MACROD1: variants seen among roughly 807,000 people sequenced by gnomAD.
The protein encoded by MACROD1 is mono-ADP ribosylhydrolase 1.
A neutral mutation model predicts 41.4 loss-of-function variants in MACROD1; 31 were observed. That is an observed-to-expected ratio of 0.75 (90% CI 0.56 to 1.01). The LOEUF is 1.01. MACROD1 is among the 50% of genes least tolerant of loss of function. The pLI is 0.00. For missense variants in MACROD1, 473 were observed against 460.0 expected, an observed-to-expected ratio of 1.03 and a Z score of -0.26; for synonymous variants, 252 against 203.4, an observed-to-expected ratio of 1.24 and a Z score of -2.03.
chr11:63,998,692 G>A lies in MACROD1; in HGVS notation c.*31-5C>T, dbSNP rs915091604. 6.6e-6 allele frequency: 9 copies of A among 1,369,242 alleles called. No individual in the cohort carries two copies. Among genetic ancestry groups the A allele is most frequent in the Admixed American group, 6.6e-5 (2 of 30,496 alleles). 84.8% of individuals were successfully genotyped at this position (1,369,242 alleles called of 1,614,324 possible). A position where few individuals can be genotyped will look rare whatever the true frequency, so the allele number is the denominator to read the frequency against. On this transcript the variant is annotated splice_region_variant and splice_polypyrimidine_tract_variant and intron_variant, in intron 10 of 10. Coordinates refer to ENST00000255681, the MANE Select transcript of MACROD1 (RefSeq NM_014067.4). ...AGCGGGGTCCCGAAGGCGGGTCTGA[G>A]GGCAGAGCAGAGTCAGAGGTGTCTA...
chr11:64,063,138 G>A (rs1943936005), intron 3 of MACROD1, among the ~76,000 whole-genome samples: 1 of 152,170 alleles, frequency 6.6e-6, no homozygotes. Flanking sequence ...GCCACCCTAT[G>A]GTGATCAAAG....
chr11:64,063,549 A>C (rs771785561), intron 3 of MACROD1, among the ~76,000 whole-genome samples: 12 of 152,212 alleles, frequency 7.9e-5, no homozygotes, highest in Non-Finnish European at 1.3e-4. Flanking sequence ...GTTACTGCCC[A>C]GCAGCCAGCA....
chr11:64,078,642 T>C (rs1183139515), intron 3 of MACROD1, among the ~76,000 whole-genome samples: 3 of 152,200 alleles, frequency 2.0e-5, no homozygotes, highest in African/African-American at 4.8e-5. Context: ...TCATGGCTCC[T>C]GCATCCTTGT....
At chr11:64,134,072 G>A (rs976719976) in intron 3 of MACROD1, among the ~76,000 whole-genome samples, 3 of 152,246 alleles carry the variant, frequency 2.0e-5, no homozygotes, top group Admixed American at 6.5e-5. Flanking sequence ...GATAGGGTAG[G>A]AGAGGGAATG....
intron 3 of MACROD1, among the ~76,000 whole-genome samples, chr11:64,065,785 G>A (rs1349340828): frequency 2.0e-5 from 2 of 99,132 alleles, no homozygotes; most frequent in African/African-American, 5.8e-5. Flanking sequence ...GCACGACTCC[G>A]CCTCAAAAAA....
intron 3 of MACROD1, among the ~76,000 whole-genome samples, chr11:64,058,406 G>C (rs1565213234): frequency 6.6e-6 from 1 of 152,258 alleles, no homozygotes; most frequent in South Asian, 2.1e-4. Flanking sequence ...GAGGGCTTGG[G>C]GGGGGGTCCT....
rs1590966676 is a variant in MACROD1, at chr11:64,146,347, C to T, written c.517+4892G>A. Among the ~76,000 whole-genome samples, 1 of 152,166 alleles carries T rather than the reference C, an allele frequency of 6.6e-6. No homozygotes were observed. The highest frequency in any genetic ancestry group is 2.1e-4 in the South Asian group (1 of 4,824). On this transcript the variant is annotated intron_variant, in intron 3 of 10. Coordinates refer to ENST00000255681, the MANE Select transcript of MACROD1 (RefSeq NM_014067.4). This position sits in a 1 kb window ranked among gnomAD's most constrained non-coding sequence, Gnocchi z 4.7. ...GAGAGGCAGGCACCGGCTCTGAGAA[C>T]CTCCTCCTCCAGAAGAGGGGGCCTG...
chr11:64,163,782 G>A (rs149184841), intron 1 of MACROD1, among the ~76,000 whole-genome samples: 5 of 152,292 alleles, frequency 3.3e-5, no homozygotes, highest in East Asian at 3.9e-4. Flanking sequence ...GCTGTTTTAC[G>A]CCACTAAGGT....
intron 3 of MACROD1, among the ~76,000 whole-genome samples, chr11:64,091,726 A>G (rs1415358129): frequency 6.6e-6 from 1 of 152,192 alleles, no homozygotes; most frequent in Non-Finnish European, 1.5e-5. Context: ...CCCCACCTGG[A>G]CACTGGCCAT....
intron 4 of MACROD1, among the ~76,000 whole-genome samples, chr11:64,011,833 C>T (rs1315328840): frequency 6.6e-6 from 1 of 152,026 alleles, no homozygotes; most frequent in Non-Finnish European, 1.5e-5. Context: ...ATGGGTGTGT[C>T]TGGGCAGAGT....
intron 3 of MACROD1, among the ~76,000 whole-genome samples, chr11:64,093,214 C>T (rs998311231): frequency 1.3e-5 from 2 of 152,210 alleles, no homozygotes; most frequent in Admixed American, 1.3e-4. Flanking sequence ...CAACACAGGG[C>T]GGCCACTACT....
rs1944019261 is a variant in MACROD1 at position 64,067,127 on chromosome 11, G to C, written c.518-51846C>G. On this transcript the variant is annotated intron_variant, in intron 3 of 10. Transcript: ENST00000255681. This position sits in a 1 kb window ranked among gnomAD's most constrained non-coding sequence, Gnocchi z 4.6. The stretch of plus-strand genomic sequence containing the variant: ...GCCATTCTCATTACACCACAGGCCA[G>C]GGCCAAGTAGGCAGGGCTGGTGGGG... 6.6e-6 allele frequency among the ~76,000 whole-genome samples: 1 copy of C among 152,200 alleles called. No individual in the cohort carries two copies. The highest frequency in any genetic ancestry group is 2.1e-4 in the South Asian group (1 of 4,834).
At chr11:64,045,374 C>G (rs1220306994) in intron 3 of MACROD1, among the ~76,000 whole-genome samples, 1 of 152,144 alleles carries the variant, frequency 6.6e-6, no homozygotes. Context: ...TCTGCTCCGC[C>G]GGGACCTGGG....
chr11:64,081,557 T>G (rs2134492878), intron 3 of MACROD1: 1 of 152,308 alleles, frequency 6.6e-6, no homozygotes, highest in East Asian at 1.9e-4. Flanking sequence ...AAACCACACA[T>G]ATCATGGGTA....
intron 3 of MACROD1, among the ~76,000 whole-genome samples, chr11:64,039,420 C>CG (rs1009945775): frequency 1.3e-5 from 2 of 152,088 alleles, no homozygotes; most frequent in East Asian, 1.9e-4. Flanking sequence ...CGGGTGGTAG[C>CG]GGGGGGTCCC....
At chr11:64,156,488 G>A (rs956924723) in intron 1 of MACROD1, among the ~76,000 whole-genome samples, 1 of 152,148 alleles carries the variant, frequency 6.6e-6, no homozygotes, top group Non-Finnish European at 1.5e-5. Flanking sequence ...TGGCTGGGCA[G>A]GCCCTGGGAA....
At chr11:64,042,914 C>T (rs1943516064) in intron 3 of MACROD1, among the ~76,000 whole-genome samples, 2 of 152,230 alleles carry the variant, frequency 1.3e-5, no homozygotes, top group African/African-American at 4.8e-5. Context: ...TTATCTTCTT[C>T]CCACTGTGAG....
Position 64,117,212 on chromosome 11 carries a change from C to T in MACROD1, c.517+34027G>A, listed in dbSNP as rs151215662. 83 of 1,614,164 alleles carry T rather than the reference C, an allele frequency of 5.1e-5. No individual in the cohort carries two copies. In the Middle Eastern group the frequency reaches 2.0e-3, roughly 39 times the overall value. On this transcript the variant is annotated intron_variant, in intron 3 of 10. Coordinates refer to ENST00000255681, the MANE Select transcript of MACROD1 (RefSeq NM_014067.4). ...CCACGCTGCCCCGCGGCCTGTTCGA[C>T]GACCTGGGGAACCTGGCCCAGCTGC... is the stretch of plus-strand genomic sequence containing the variant.
rs1452971699 is a variant in MACROD1 at position 64,064,871 on chromosome 11, T to C, written c.518-49590A>G. Among the ~76,000 whole-genome samples the C allele has an allele frequency of 6.6e-6, 1 of 151,858 alleles. No homozygotes were observed. Among genetic ancestry groups the C allele is most frequent in the Non-Finnish European group, 1.5e-5 (1 of 67,984 alleles). ...ATTCATTCATTCATTCATTCATTCA[T>C]TCATTTGATGAGTGCTTCCAGAGCC... On this transcript the variant is annotated intron_variant, in intron 3 of 10. Coordinates refer to ENST00000255681, the MANE Select transcript of MACROD1 (RefSeq NM_014067.4). This position sits in a 1 kb window ranked among gnomAD's most constrained non-coding sequence, Gnocchi z 4.5.
Sources: gnomAD v4.1 joint callset for allele counts (sites outside exome capture counted in the v4.1 genomes callset) on GRCh38, gnomAD v4.1.1 for gene constraint, Gnocchi (gnomAD v3.1) non-coding constraint, MANE v1.5 for transcripts, NCBI Gene and HGNC (gene_info 2026-07-23, HGNC 2026-07-21) for gene names.